The following MAN2B2 variants were observed in gnomAD, a reference collection of about 807,000 sequenced individuals.
The protein encoded by MAN2B2 is mannosidase alpha class 2B member 2, also known as epididymis-specific alpha-mannosidase.
Under a neutral mutation model 117.1 loss-of-function variants are expected in MAN2B2, and 106 were observed. That is an observed-to-expected ratio of 0.90 (90% CI 0.77 to 1.06). MAN2B2 has a LOEUF of 1.06. MAN2B2 is among the 50% of genes least tolerant of loss of function. MAN2B2 has a pLI of 0.00. For missense variants in MAN2B2, 1,326 were observed against 1,381.4 expected (o/e 0.96, Z 0.64); for synonymous variants, 544 against 595.1 (o/e 0.91, Z 1.25).
At chr4:6,614,684 T>G (rs1194656630) in intron 16 of MAN2B2, among the ~76,000 whole-genome samples, 1 of 152,162 alleles carries the variant, frequency 6.6e-6, no homozygotes, top group African/African-American at 2.4e-5. Context: ...TCCTACTTCT[T>G]CCAGGGAAAC....
intron 5 of MAN2B2, among the ~76,000 whole-genome samples, chr4:6,591,819 C>T (rs1018097792): frequency 1.3e-5 from 2 of 152,154 alleles, no homozygotes; most frequent in Admixed American, 6.5e-5. Context: ...GCAGTGAACC[C>T]ACATTCACAT....
chr4:6,600,126 GC>G (rs1265237937), intron 9 of MAN2B2, among the ~76,000 whole-genome samples: 1 of 152,210 alleles, frequency 6.6e-6, no homozygotes, highest in African/African-American at 2.4e-5. Context: ...CTGGTAGGAT[GC>G]AACAGAAAGA....
intron 3 of MAN2B2, among the ~76,000 whole-genome samples, chr4:6,584,115 A>G (rs1213620202): frequency 6.6e-6 from 1 of 152,234 alleles, no homozygotes; most frequent in Non-Finnish European, 1.5e-5. Context: ...TCTCACTTCT[A>G]GAGAGGCAAT....
chr4:6,601,500 CAAAAA>C (rs1172595578), intron 10 of MAN2B2, among the ~76,000 whole-genome samples: 2 of 101,588 alleles, frequency 2.0e-5, no homozygotes. Flanking sequence ...GACTCCATCT[CAAAAA>C]AAAAAAAAAA....
intron 9 of MAN2B2, 31 bp from the exon 10 acceptor site, chr4:6,600,592 G>A (rs1433931707): frequency 1.5e-5 from 24 of 1,608,682 alleles, no homozygotes; most frequent in Non-Finnish European, 2.0e-5. Flanking sequence ...TGAGTCACAT[G>A]GCACAAGCAA....
intron 16 of MAN2B2, among the ~76,000 whole-genome samples, chr4:6,615,830 GTC>G (rs1711837460): frequency 6.6e-6 from 1 of 151,698 alleles, no homozygotes; most frequent in African/African-American, 2.4e-5. Flanking sequence ...TTGAGACAGA[GTC>G]TCAATCTGTT....
chr4:6,619,874 C>A, intron 17 of MAN2B2, 53 bp from the exon 18 acceptor site: 1 of 1,536,022 alleles, frequency 6.5e-7, no homozygotes, highest in Non-Finnish European at 9.0e-7. Context: ...TGGTTCTCTG[C>A]TCAGCTCTGG....
chr4:6,579,355 C>CCAT (rs1726317123), intron 3 of MAN2B2, among the ~76,000 whole-genome samples: 1 of 112,810 alleles, frequency 8.9e-6, no homozygotes. Context: ...ACCATCACCA[C>CCAT]CACCATCACC....
In MAN2B2 at chr4:6,582,687, A is replaced by T. The variant is rs182388382; in HGVS notation, c.391+4189A>T. 3.8e-3 allele frequency among the ~76,000 whole-genome samples: 569 copies of T among 151,592 alleles called. 3 individuals carry two copies. Among genetic ancestry groups the T allele is most frequent in the African/African-American group, 0.013 (517 of 41,292 alleles). On this transcript the variant is annotated intron_variant, in intron 3 of 18. Coordinates refer to ENST00000285599, the MANE Select transcript of MAN2B2 (RefSeq NM_015274.3). ...TTAAATTGTCTCTCTTCAAAAAAAA[A>T]TTTTTTTTAACATGGGGTCCACTGT...
intron 15 of MAN2B2, among the ~76,000 whole-genome samples, chr4:6,611,481 A>G (rs1283309946): frequency 6.6e-6 from 1 of 152,154 alleles, no homozygotes; most frequent in Non-Finnish European, 1.5e-5. Flanking sequence ...TCATACAACT[A>G]GGAGGTACAG....
intron 12 of MAN2B2, 172 bp downstream of exon 12, chr4:6,609,470 G>A: frequency 1.4e-6 from 1 of 701,538 alleles, no homozygotes; most frequent in South Asian, 1.9e-5. Context: ...GGCTGCGTTT[G>A]CGTGTGCTGT....
Position 6,589,122 on chromosome 4 carries a change from C to T in MAN2B2, c.642C>T (p.Tyr214=). The stretch of plus-strand genomic sequence containing the variant: ...TCTTCACGCACATCATGGACCAGTA[C>T]AGCTACTGCACCCCGTCCCACATCC... ...QEIFTHIMDQ[Y]SYCTPSHIPF... Residue 214 remains tyrosine, a synonymous_variant, in exon 5 of 19, where the codon TAC becomes TAT. Transcript: ENST00000285599. The T allele has an allele frequency of 6.2e-7, 1 of 1,614,234 alleles. No individual in the cohort carries two copies. The highest frequency in any genetic ancestry group is 8.5e-7 in the Non-Finnish European group (1 of 1,180,028).
At chr4:6,587,380 G>T (rs1399877684) in intron 4 of MAN2B2, among the ~76,000 whole-genome samples, 2 of 152,216 alleles carry the variant, frequency 1.3e-5, no homozygotes, top group Admixed American at 6.5e-5. Context: ...TCACAGAGCT[G>T]CAGGCACAGC....
intron 1 of MAN2B2, among the ~76,000 whole-genome samples, chr4:6,576,204 C>T (rs540053230): frequency 6.6e-6 from 1 of 152,182 alleles, no homozygotes; most frequent in African/African-American, 2.4e-5. Flanking sequence ...GACCACACCC[C>T]GACTGAGGCC....
chr4:6,621,254 G>A lies in MAN2B2; in HGVS notation c.2999G>A (p.Arg1000Gln), dbSNP rs757830667. ...ATCACCGTCCACCCAAAGGAAATCC[G>A]GACGTTCTTTATTCACTTTCAACAG... The part of the protein sequence containing the change: ...PIITVHPKEI[R>Q]TFFIHFQQQ Residue 1000 changes from arginine to glutamine, a missense_variant, in exon 19 of 19, where the codon CGG (arginine) becomes CAG (glutamine). Physicochemically the swap from Arg to Gln is conservative, Grantham distance 43 (BLOSUM62 1). Coordinates refer to ENST00000285599, the MANE Select transcript of MAN2B2 (RefSeq NM_015274.3). The A allele has an allele frequency of 1.3e-5, 21 of 1,613,978 alleles. No homozygotes were observed. Among genetic ancestry groups the A allele is most frequent in the South Asian group, 3.3e-5 (3 of 91,086 alleles).
intron 2 of MAN2B2, among the ~76,000 whole-genome samples, chr4:6,576,969 C>G (rs1370317772): frequency 1.3e-5 from 2 of 152,162 alleles, no homozygotes; most frequent in African/African-American, 4.8e-5. Flanking sequence ...CCAGCTCTGG[C>G]AACCCAGCTG....
At position 6,575,511 on chromosome 4, in the gene MAN2B2, G is replaced by A. The variant is rs1329127508; in HGVS notation, c.138+163G>A. Among the ~76,000 whole-genome samples, 4 of 152,252 alleles carry A rather than the reference G, an allele frequency of 2.6e-5. No individual in the cohort carries two copies. The South Asian group carries it at 6.2e-4, about 24-fold the overall frequency. On this transcript the variant is annotated intron_variant, in intron 1 of 18. Coordinates refer to ENST00000285599, the MANE Select transcript of MAN2B2 (RefSeq NM_015274.3). ...TTGACTGGTTGCGTCGCTAACTTCG[G>A]GCCAGTCACTTCCTGCCTCTGAACC...
intron 18 of MAN2B2, 57 bp from the exon 19 acceptor site, chr4:6,621,131 G>A (rs903397939): frequency 1.6e-6 from 2 of 1,277,518 alleles, no homozygotes; most frequent in African/African-American, 1.5e-5. Context: ...GGGGTGAGAG[G>A]GAGGCTGGGA....
At chr4:6,593,399 C>T in intron 6 of MAN2B2, 49 bp downstream of exon 6, 5 of 1,551,780 alleles carry the variant, frequency 3.2e-6, no homozygotes, top group Non-Finnish European at 4.3e-6. Flanking sequence ...CCAAGGAGCA[C>T]TATGCAAGCC....
Sources: gnomAD v4.1 joint callset for allele counts (sites outside exome capture counted in the v4.1 genomes callset) on GRCh38, gnomAD v4.1.1 for gene constraint, MANE v1.5 for transcripts, NCBI Gene and HGNC (gene_info 2026-07-23, HGNC 2026-07-21) for gene names.